SDK2: variants seen among roughly 807,000 people sequenced by gnomAD.
SDK2 encodes the protein sidekick cell adhesion molecule 2, also known as protein sidekick-2.
A neutral mutation model predicts 253.9 loss-of-function variants in SDK2; 105 were observed. That is an observed-to-expected ratio of 0.41 (90% CI 0.35 to 0.49). The LOEUF is 0.49. SDK2 is among the 20% of genes least tolerant of loss of function. The pLI, the probability that SDK2 is intolerant of heterozygous loss-of-function variation, is 0.06. For missense variants in SDK2, 2,608 were observed against 3,003.0 expected (o/e 0.87, Z 3.07); for synonymous variants, 1,249 against 1,234.9 (o/e 1.01, Z -0.24).
In SDK2 at chr17:73,504,951, A is replaced by G. The variant is rs527538249; in HGVS notation, c.224+2487T>C. Among the ~76,000 whole-genome samples the G allele has an allele frequency of 2.6e-5, 4 of 152,246 alleles. No individual in the cohort carries two copies. The East Asian group carries it at 7.7e-4, about 29-fold the overall frequency. On this transcript the variant is annotated intron_variant, in intron 2 of 44. Transcript: ENST00000392650. ...ACAGCAAGTTTTTAATTGAAGGAAA[A>G]TCCTGATTGGACCTGCATTCAGGCA...
chr17:73,429,120 A>G (rs2063306565), intron 12 of SDK2, among the ~76,000 whole-genome samples: 1 of 152,172 alleles, frequency 6.6e-6, no homozygotes, highest in Non-Finnish European at 1.5e-5. Context: ...CTTTTTTATA[A>G]ATAAAGTCTG....
At chr17:73,538,694 C>T (rs2044819125) in intron 1 of SDK2, among the ~76,000 whole-genome samples, 1 of 152,176 alleles carries the variant, frequency 6.6e-6, no homozygotes, top group Non-Finnish European at 1.5e-5. Context: ...CCTCTGGAAG[C>T]ACCCACCTCT....
In SDK2 at chr17:73,447,552, G is replaced by C; in HGVS notation, c.613+63C>G. On this transcript the variant is annotated intron_variant, in intron 5 of 44. Coordinates refer to ENST00000392650, the MANE Select transcript of SDK2 (RefSeq NM_001144952.2). This position sits in a 1 kb window ranked among gnomAD's most constrained non-coding sequence, Gnocchi z 4.0. ...ACTCCATCTTCCCAATGATCCCCTG[G>C]AGCACCATTGCTAAGATTTAATGGC... 1 of 1,542,092 alleles carries C rather than the reference G, an allele frequency of 6.5e-7. No homozygotes were observed.
At position 73,343,865 on chromosome 17, in the gene SDK2, G is replaced by A. The variant is rs190127119; in HGVS notation, c.6165+4734C>T. On this transcript the variant is annotated intron_variant, in intron 44 of 44. Coordinates refer to ENST00000392650, the MANE Select transcript of SDK2 (RefSeq NM_001144952.2). ...TCTTGTTGAATCTCATGAAGTCTGGGAGGAATGTGTTGCCCTAGATGACAG... is the reference window on the plus strand; with the variant it reads ...TCTTGTTGAATCTCATGAAGTCTGGAAGGAATGTGTTGCCCTAGATGACAG... Among the ~76,000 whole-genome samples, 19 of 152,364 alleles carry A rather than the reference G, an allele frequency of 1.2e-4. No individual in the cohort carries two copies. In the East Asian group the frequency reaches 3.1e-3, roughly 25 times the overall value.
In SDK2 at chr17:73,618,778, G is replaced by A. The variant is rs2046091463; in HGVS notation, c.64+25247C>T. ...ATGCCAGGAATAAAGGCGATGGACA[G>A]GTGGAGGGTCTGTGTCTGGCACAGC... On this transcript the variant is annotated intron_variant, in intron 1 of 44. Transcript: ENST00000392650. The surrounding 1 kb of genome is among the most constrained non-coding windows in gnomAD (Gnocchi z 4.1). Among the ~76,000 whole-genome samples, 1 of 152,220 alleles carries A rather than the reference G, an allele frequency of 6.6e-6. No individual in the cohort carries two copies. The highest frequency in any genetic ancestry group is 1.5e-5 in the Non-Finnish European group (1 of 68,036).
At chr17:73,446,458 G>A (rs2063453771) in intron 5 of SDK2, among the ~76,000 whole-genome samples, 1 of 152,182 alleles carries the variant, frequency 6.6e-6, no homozygotes, top group African/African-American at 2.4e-5. Context: ...TAGGCAGACT[G>A]GATGCTGAGT....
At position 73,338,041 on chromosome 17, in the gene SDK2, G is replaced by C. The variant is rs1190776759; in HGVS notation, c.*546C>G. 6 of 183,552 alleles carry C rather than the reference G, an allele frequency of 3.3e-5. No individual in the cohort carries two copies. In the Admixed American group the frequency reaches 3.6e-4, roughly 11 times the overall value. 11.4% of individuals were successfully genotyped at this position (183,552 alleles called of 1,614,324 possible). On this transcript the variant is annotated 3_prime_UTR_variant, in exon 45 of 45. Transcript: ENST00000392650. The surrounding 1 kb of genome is among the most constrained non-coding windows in gnomAD (Gnocchi z 5.0). ...AGACAGGGCAGGGGGTCTGGATGAG[G>C]CTGTCCGATGCCTGCCAGCCACAGT...
intron 30 of SDK2, 26 bp downstream of exon 30, chr17:73,387,810 G>T: frequency 6.6e-7 from 1 of 1,523,958 alleles, no homozygotes; most frequent in Non-Finnish European, 8.9e-7. Flanking sequence ...GGGCAGTGGG[G>T]ATGCTGGCAT....
chr17:73,632,244 T>A (rs2046280124), intron 1 of SDK2, among the ~76,000 whole-genome samples: 1 of 152,160 alleles, frequency 6.6e-6, no homozygotes, highest in Non-Finnish European at 1.5e-5. Context: ...GAGAGTAACA[T>A]TTATGTCAGT....
Position 73,401,685 on chromosome 17 carries a change from T to C in SDK2, c.2748A>G (p.Gln916=). ...ILDTSLKVSW[Q]EPGEKNGILT... ...GGATGCCATTTTTCTCTCCCGGCTC[T>C]TGCCAGCTGACCTTCAGCGATGTGT... The change falls in exon 20 of 45, where the codon CAA becomes CAG. Residue 916 remains glutamine (Q), a synonymous_variant. Coordinates refer to ENST00000392650, the MANE Select transcript of SDK2 (RefSeq NM_001144952.2). The C allele has an allele frequency of 2.5e-6, 4 of 1,595,222 alleles. No individual in the cohort carries two copies. Among genetic ancestry groups the C allele is most frequent in the Non-Finnish European group, 3.4e-6 (4 of 1,170,140 alleles).
chr17:73,525,758 C>T (rs545466755), intron 1 of SDK2, among the ~76,000 whole-genome samples: 4 of 152,152 alleles, frequency 2.6e-5, no homozygotes, highest in Non-Finnish European at 5.9e-5. Flanking sequence ...AAGGCTCCCC[C>T]CTACCTTGCC....
intron 5 of SDK2, among the ~76,000 whole-genome samples, chr17:73,446,307 G>T (rs1224100774): frequency 6.6e-6 from 1 of 152,190 alleles, no homozygotes; most frequent in Non-Finnish European, 1.5e-5. Context: ...TGGGGCCCAG[G>T]CTGCTGAGAC....
chr17:73,604,298 G>A (rs973933374), intron 1 of SDK2, among the ~76,000 whole-genome samples: 4 of 152,178 alleles, frequency 2.6e-5, no homozygotes, highest in African/African-American at 4.8e-5. Context: ...AGAGAGGAAC[G>A]CCCAGTCAGA....
At chr17:73,391,333 G>T in intron 28 of SDK2, 107 bp downstream of exon 28, 1 of 495,618 alleles carries the variant, frequency 2.0e-6, no homozygotes, top group Non-Finnish European at 3.3e-6. Context: ...GGATGTGGAG[G>T]CTCCCTGGAC....
chr17:73,392,544 C>T lies in SDK2; in HGVS notation c.3899-1006G>A, dbSNP rs368765111. Among the ~76,000 whole-genome samples the T allele has an allele frequency of 2.3e-4, 35 of 152,334 alleles. 2 individuals carry two copies. The South Asian group carries it at 6.6e-3, about 29-fold the overall frequency. On this transcript the variant is annotated intron_variant, in intron 27 of 44. Transcript: ENST00000392650. Reference sequence around the variant, plus strand: ...TTGGCTGCCTAAAGTGCTAGGATTACAGGCGTGAGCCACCACGCCCAGCCT... The same window carrying T: ...TTGGCTGCCTAAAGTGCTAGGATTATAGGCGTGAGCCACCACGCCCAGCCT...
At chr17:73,346,163 G>T (rs140151523) in intron 44 of SDK2, among the ~76,000 whole-genome samples, 1 of 150,070 alleles carries the variant, frequency 6.7e-6, no homozygotes, top group Admixed American at 6.7e-5. Context: ...CTGAGATCGC[G>T]CACCATCATA....
chr17:73,611,166 T>G (rs904122038), intron 1 of SDK2, among the ~76,000 whole-genome samples: 1 of 152,206 alleles, frequency 6.6e-6, no homozygotes, highest in East Asian at 1.9e-4. Flanking sequence ...GGTCAAAGAC[T>G]TCTGGTTCTC....
chr17:73,445,167 G>A (rs1304524164), intron 5 of SDK2, among the ~76,000 whole-genome samples: 2 of 151,978 alleles, frequency 1.3e-5, no homozygotes, highest in African/African-American at 4.8e-5. Context: ...AAATACACAA[G>A]GATTTCAAAG....
At chr17:73,412,965 T>A (rs1245548630) in intron 18 of SDK2, among the ~76,000 whole-genome samples, 1 of 152,168 alleles carries the variant, frequency 6.6e-6, no homozygotes, top group Non-Finnish European at 1.5e-5. Flanking sequence ...AGTAATCCCG[T>A]ACTTCTAATC....
Sources: allele counts gnomAD v4.1 joint callset (sites outside exome capture counted in the v4.1 genomes callset), GRCh38; gene constraint gnomAD v4.1.1; non-coding constraint Gnocchi (gnomAD v3.1); transcripts MANE v1.5; gene names NCBI Gene and HGNC (gene_info 2026-07-23, HGNC 2026-07-21).